The following C8orf58 variants were observed in gnomAD, a reference collection of about 807,000 sequenced individuals.
C8orf58 encodes the protein uncharacterized protein C8orf58.
Under a neutral mutation model 36.8 loss-of-function variants are expected in C8orf58, and 31 were observed. The observed-to-expected ratio is 0.84, with a 90% CI of 0.63 to 1.14. The LOEUF (loss-of-function observed/expected upper bound fraction) is 1.14, where lower values mean the gene tolerates loss of function less well. Among genes scored for constraint, C8orf58 ranks in the 50% most tolerant of loss-of-function variants. C8orf58 has a pLI of 0.00. For synonymous variants in C8orf58, 230 were observed against 200.2 expected (o/e 1.15, Z -1.26); for missense variants, 538 against 480.8 (o/e 1.12, Z -1.11).
In C8orf58 at chr8:22,602,272, T is replaced by C. The variant is rs2117392850; in HGVS notation, c.839T>C (p.Val280Ala). Residue 280 changes from valine (V) to alanine (A), a missense_variant, in exon 5 of 7, where the codon GTG becomes GCG. Val to Ala is a moderately conservative substitution (Grantham distance 64, BLOSUM62 0). Coordinates refer to ENST00000289989, the MANE Select transcript of C8orf58 (RefSeq NM_001013842.3). ...CCTCCCAGGCTGCCAGAAACCCCAG[T>C]GGAGCCAACGTACCACTTGCCATCC... ...ANPPRLPETPVEPTYHLPSSQ... is the reference protein window; with the variant it reads ...ANPPRLPETPAEPTYHLPSSQ... The C allele has an allele frequency of 1.3e-6, 2 of 1,562,476 alleles. No individual in the cohort carries two copies. Among genetic ancestry groups the C allele is most frequent in the Admixed American group, 3.5e-5 (2 of 56,364 alleles).
chr8:22,600,723 C>T (rs1294316313), intron 1 of C8orf58, among the ~76,000 whole-genome samples, 159 bp from the exon 2 acceptor site: 1 of 152,242 alleles, frequency 6.6e-6, no homozygotes, highest in African/African-American at 2.4e-5. Context: ...ACACATCTCC[C>T]AGACAGCTGG....
Position 22,603,783 on chromosome 8 carries a change from C to T in C8orf58, c.*477C>T, listed in dbSNP as rs1168363077. ...AGAAGGATGGAACTGACCTTTATTC[C>T]CCAGTGGGCAGTTACTGAGCTTTCC... is the stretch of plus-strand genomic sequence containing the variant. On this transcript the variant is annotated 3_prime_UTR_variant, in exon 7 of 7. Transcript: ENST00000289989. 1 of 248,128 alleles carries T rather than the reference C, an allele frequency of 4.0e-6. No individual in the cohort carries two copies. The highest frequency in any genetic ancestry group is 2.3e-5 in the African/African-American group (1 of 44,386). 15.4% of individuals were successfully genotyped at this position (248,128 alleles called of 1,614,324 possible).
At chr8:22,602,368 T>TCGGG in intron 5 of C8orf58, 56 bp downstream of exon 5, 1 of 328,372 alleles carries the variant, frequency 3.0e-6, no homozygotes, top group Non-Finnish European at 5.9e-6. Context: ...GGAGGGGAGG[T>TCGGG]GGGGGATGCA....
rs779716904 is a variant in C8orf58 at position 22,601,715 on chromosome 8, G to GGGGGCCT, written c.530_536dup (p.Ala182SerfsTer139). The GGGGGCCT allele has an allele frequency of 1.9e-6, 3 of 1,606,966 alleles. No homozygotes were observed. The highest frequency in any genetic ancestry group is 2.5e-6 in the Non-Finnish European group (3 of 1,177,368). On this transcript the variant is annotated frameshift_variant, in exon 3 of 7. Transcript: ENST00000289989. LOFTEE classifies it high-confidence loss of function. ...CCTATCTCACAATGTCCCACAGGTGGGGGGCCTGGGGCCTGGAGCCTGGGC... is the reference window on the plus strand; with the variant it reads ...CCTATCTCACAATGTCCCACAGGTGGGGGGCCTGGGGCCTGGGGCCTGGAGCCTGGGC...
intron 2 of C8orf58, 29 bp from the exon 3 acceptor site, chr8:22,601,683 A>T (rs1253091755): frequency 7.6e-6 from 12 of 1,577,418 alleles, no homozygotes; most frequent in Non-Finnish European, 1.0e-5. Flanking sequence ...TACTGGCTGA[A>T]ATCTCCCCTA....
rs746357208 is a variant in C8orf58 at position 22,601,354 on chromosome 8, G to A, written c.513G>A (p.Glu171=). 1 of 1,566,970 alleles carries A rather than the reference G, an allele frequency of 6.4e-7. No individual in the cohort carries two copies. The highest frequency in any genetic ancestry group is 1.8e-5 in the Admixed American group (1 of 56,324). Residue 171 remains glutamate (E), a synonymous_variant, in exon 2 of 7, where the codon GAG becomes GAA. Transcript: ENST00000289989. ...DTDLEAGLEE[E]AVGGLGPGAW... Reference sequence around the variant, plus strand: ...ACCTAGAGGCAGGCCTGGAAGAAGAGGCGGTGAGTGCTCACTCTCAGGCTG... The same window carrying A: ...ACCTAGAGGCAGGCCTGGAAGAAGAAGCGGTGAGTGCTCACTCTCAGGCTG...
At chr8:22,600,769 C>T (rs370390867) in intron 1 of C8orf58, 113 bp from the exon 2 acceptor site, 20 of 885,414 alleles carry the variant, frequency 2.3e-5, no homozygotes, top group Non-Finnish European at 3.1e-5. Context: ...GTCCAGTGAC[C>T]GCCCTTCCTC....
rs753648927 is a variant in C8orf58, at chr8:22,601,969, T to C, written c.658-3T>C. The C allele has an allele frequency of 3.2e-6, 5 of 1,552,450 alleles. No homozygotes were observed. The highest frequency in any genetic ancestry group is 4.4e-6 in the Non-Finnish European group (5 of 1,145,932). Reference sequence around the variant, plus strand: ...CCTGATCACCTGTCTCTCCTGTGCATAGGATCCCGGCGAGGAGGAGTCGAC... The same window carrying C: ...CCTGATCACCTGTCTCTCCTGTGCACAGGATCCCGGCGAGGAGGAGTCGAC... On this transcript the variant is annotated splice_region_variant and splice_polypyrimidine_tract_variant and intron_variant, in intron 3 of 6. Transcript: ENST00000289989.
chr8:22,600,572 C>G (rs1053638072), intron 1 of C8orf58: 2 of 379,894 alleles, frequency 5.3e-6, no homozygotes, highest in African/African-American at 4.1e-5. Flanking sequence ...CTCGGGAGAT[C>G]GTGGGCTGAT....
rs371470987 is a variant in C8orf58, at chr8:22,601,743, G to T, written c.548G>T (p.Cys183Phe). ...GGCCTGGGGCCTGGAGCCTGGGCCT[G>T]CCTCCCCGGGCAGGGTCTTCGCTAT... Reference protein sequence around the residue: ...VGGLGPGAWACLPGQGLRYLE... With the variant: ...VGGLGPGAWAFLPGQGLRYLE... Residue 183 changes from cysteine to phenylalanine, a missense_variant, in exon 3 of 7, where the codon TGC (cysteine) becomes TTC (phenylalanine). Physicochemically the swap from Cys to Phe is radical, Grantham distance 205 (BLOSUM62 -2). Coordinates refer to ENST00000289989, the MANE Select transcript of C8orf58 (RefSeq NM_001013842.3). 1 of 1,611,680 alleles carries T rather than the reference G, an allele frequency of 6.2e-7. No individual in the cohort carries two copies. Among genetic ancestry groups the T allele is most frequent in the South Asian group, 1.1e-5 (1 of 90,962 alleles).
chr8:22,599,659 G>C lies in C8orf58; in HGVS notation c.-62G>C. The C allele has an allele frequency of 2.1e-6, 2 of 956,986 alleles. No individual in the cohort carries two copies. The highest frequency in any genetic ancestry group is 3.7e-5 in the East Asian group (1 of 27,280). The allele number at this position is 956,986 out of a possible 1,614,324, so 59.3% of individuals were successfully genotyped here. The stretch of plus-strand genomic sequence containing the variant: ...GCTCCCTGAGCTGCCCGAGCTCCGC[G>C]GGGACTCGGGCCGGGATCCTCGGGC... On this transcript the variant is annotated 5_prime_UTR_variant, in exon 1 of 7. Transcript: ENST00000289989.
rs1344734174 is a variant in C8orf58, at chr8:22,601,032, T to C, written c.191T>C (p.Leu64Pro). ...GGCAGGGAGGCACTCTTTCTCAAAC[T>C]GGCCTCCCGGGACTCAGGAGTGGAG... ...GVGREALFLKLASRDSGVEMA... is the reference protein window; with the variant it reads ...GVGREALFLKPASRDSGVEMA... Residue 64 changes from leucine to proline, a missense_variant, in exon 2 of 7, where the codon CTG (leucine) becomes CCG (proline). Leu to Pro is a moderately conservative substitution (Grantham distance 98, BLOSUM62 -3). Transcript: ENST00000289989. 6 of 1,612,680 alleles carry C rather than the reference T, an allele frequency of 3.7e-6. No homozygotes were observed. Among genetic ancestry groups the C allele is most frequent in the Non-Finnish European group, 5.1e-6 (6 of 1,180,014 alleles).
At position 22,601,852 on chromosome 8, in the gene C8orf58, GGTGA is replaced by G. The variant is rs2117391745; in HGVS notation, c.657+6_657+9del. The G allele has an allele frequency of 6.2e-7, 1 of 1,602,736 alleles. No homozygotes were observed. The highest frequency in any genetic ancestry group is 2.2e-5 in the East Asian group (1 of 44,754). On this transcript the variant is annotated splice_donor_variant and splice_donor_region_variant and intron_variant, in intron 3 of 6. Coordinates refer to ENST00000289989, the MANE Select transcript of C8orf58 (RefSeq NM_001013842.3). LOFTEE classifies it high-confidence loss of function. ...AGCTGCGGATCCAGAGGCCCCCAGG[GGTGA>G]GTGAGATTCGAGTGGGGGAGGGAGA...
chr8:22,601,971 G>A lies in C8orf58; in HGVS notation c.658-1G>A, dbSNP rs1800876197. 1 of 1,551,732 alleles carries A rather than the reference G, an allele frequency of 6.4e-7. No homozygotes were observed. The highest frequency in any genetic ancestry group is 1.4e-5 in the African/African-American group (1 of 73,394). ...TGATCACCTGTCTCTCCTGTGCATA[G>A]GATCCCGGCGAGGAGGAGTCGACCC... On this transcript the variant is annotated splice_acceptor_variant, in intron 3 of 6. Transcript: ENST00000289989. LOFTEE classifies it high-confidence loss of function.
chr8:22,602,868 C>A (rs1800910783), intron 6 of C8orf58: 1 of 579,822 alleles, frequency 1.7e-6, no homozygotes, highest in Non-Finnish European at 3.1e-6. Context: ...CACGGTGAGT[C>A]AGTGACAGCT....
At chr8:22,602,687 T>G in intron 6 of C8orf58, 44 bp downstream of exon 6, 1 of 1,267,976 alleles carries the variant, frequency 7.9e-7, no homozygotes. Context: ...GAGAGGAGAC[T>G]GATAAGCCAG....
In C8orf58 at chr8:22,601,149, C is replaced by T. The variant is rs1420831380; in HGVS notation, c.308C>T (p.Ala103Val). The change falls in exon 2 of 7, where the codon GCC becomes GTC. Residue 103 changes from alanine to valine, a missense_variant. Coordinates refer to ENST00000289989, the MANE Select transcript of C8orf58 (RefSeq NM_001013842.3). ...FESSGSSEPP[A>V]QVGRLLASQK... is the part of the protein sequence containing the mutation. ...TCCTCAGGGAGTTCTGAGCCCCCCG[C>T]CCAGGTAGGCCGACTCCTGGCCAGC... The T allele has an allele frequency of 6.2e-7, 1 of 1,610,820 alleles. No individual in the cohort carries two copies. The highest frequency in any genetic ancestry group is 8.5e-7 in the Non-Finnish European group (1 of 1,179,416).
At position 22,601,834 on chromosome 8, in the gene C8orf58, G is replaced by C. The variant is rs1324351009; in HGVS notation, c.639G>C (p.Arg213=). The C allele has an allele frequency of 1.2e-6, 2 of 1,610,216 alleles. No homozygotes were observed. The highest frequency in any genetic ancestry group is 1.7e-5 in the Admixed American group (1 of 59,538). Residue 213 remains arginine (R), a synonymous_variant, in exon 3 of 7, where the codon CGG becomes CGC. Transcript: ENST00000289989. The part of the protein sequence containing the change: ...ARLQQLYLQL[R]IQRPPGDPGE... ...TCCAGCAGCTCTACCTGCAGCTGCG[G>C]ATCCAGAGGCCCCCAGGGGTGAGTG...
chr8:22,603,118 C>G, intron 6 of C8orf58, 77 bp from the exon 7 acceptor site: 1 of 1,141,602 alleles, frequency 8.8e-7, no homozygotes, highest in South Asian at 1.2e-5. Context: ...AGCAGATAAA[C>G]CACGTTCTCT....
Sources: gnomAD v4.1 joint callset for allele counts (sites outside exome capture counted in the v4.1 genomes callset) on GRCh38, gnomAD v4.1.1 for gene constraint, MANE v1.5 for transcripts, NCBI Gene and HGNC (gene_info 2026-07-23, HGNC 2026-07-21) for gene names.